Variants in RDH11 observed in about 807,000 individuals in gnomAD.
The protein encoded by RDH11 is retinol dehydrogenase 11.
Under a neutral mutation model 33.4 loss-of-function variants are expected in RDH11, and 19 were observed. The ratio of observed to expected loss-of-function variants is 0.57; its 90% CI spans 0.40 to 0.83. The LOEUF is 0.83. Among genes scored for constraint, RDH11 ranks in the 40% least tolerant of loss-of-function variants. The pLI is 0.00. For missense variants in RDH11, 353 were observed against 389.0 expected (o/e 0.91, Z 0.78); for synonymous variants, 154 against 155.3 (o/e 0.99, Z 0.06).
intron 3 of RDH11, chr14:67,691,995 T>A (rs2037756253): frequency 6.4e-6 from 1 of 155,968 alleles, no homozygotes; most frequent in African/African-American, 2.4e-5. Context: ...GGTAAACTTC[T>A]TTGTCATGTC....
chr14:67,689,926 C>T (rs916723300), intron 5 of RDH11, among the ~76,000 whole-genome samples: 12 of 151,160 alleles, frequency 7.9e-5, no homozygotes, highest in African/African-American at 2.9e-4. Flanking sequence ...GCATGGGTGA[C>T]AGAGCAAGAT....
chr14:67,692,233 C>T (rs558703817), intron 3 of RDH11: 15 of 561,324 alleles, frequency 2.7e-5, no homozygotes, highest in Middle Eastern at 4.8e-4. Flanking sequence ...ACTGCTATGA[C>T]GTTTTGAATT....
At chr14:67,690,530 T>C in intron 4 of RDH11, 109 bp from the exon 5 acceptor site, 1 of 871,272 alleles carries the variant, frequency 1.1e-6, no homozygotes, top group South Asian at 1.6e-5. Flanking sequence ...AATAAGGTCT[T>C]TCCCTCCAAC....
At position 67,686,579 on chromosome 14, in the gene RDH11, T is replaced by C. The variant is rs1396475899; in HGVS notation, c.665-1375A>G. On this transcript the variant is annotated intron_variant, in intron 5 of 6. Transcript: ENST00000381346. Reference sequence around the variant, plus strand: ...ACTTGAACCAGGGAGACAGAGGTTGTAGTGAGCCGATATCGTGCCACTGCA... The same window carrying C: ...ACTTGAACCAGGGAGACAGAGGTTGCAGTGAGCCGATATCGTGCCACTGCA... Among the ~76,000 whole-genome samples, 5 of 142,680 alleles carry C rather than the reference T, an allele frequency of 3.5e-5. No homozygotes were observed. The East Asian group carries it at 8.3e-4, about 24-fold the overall frequency. The allele number at this position is 142,680 out of a possible 152,430, so 93.6% of individuals were successfully genotyped here. A position where few individuals can be genotyped will look rare whatever the true frequency, so the allele number is the denominator to read the frequency against.
chr14:67,690,814 C>A (rs143269183), intron 4 of RDH11: 2 of 370,006 alleles, frequency 5.4e-6, no homozygotes, highest in Non-Finnish European at 9.8e-6. Context: ...AAGACCCTGT[C>A]TTTACAAAAA....
At chr14:67,679,466 C>A (rs556975857) in intron 6 of RDH11, among the ~76,000 whole-genome samples, 60 of 148,112 alleles carry the variant, frequency 4.1e-4, no homozygotes, top group African/African-American at 1.5e-3. Flanking sequence ...TGCAGTGATG[C>A]GATCTCAGCT....
At chr14:67,693,546 C>T (rs369772913) in intron 1 of RDH11, among the ~76,000 whole-genome samples, 2 of 151,048 alleles carry the variant, frequency 1.3e-5, no homozygotes, top group African/African-American at 2.4e-5. Flanking sequence ...CACGCATGCA[C>T]ATACACACTT....
At chr14:67,691,090 A>G (rs1211312969) in intron 4 of RDH11, 50 bp downstream of exon 4, 3 of 1,266,932 alleles carry the variant, frequency 2.4e-6, no homozygotes, top group Non-Finnish European at 3.5e-6. Context: ...TAAGTTTCCC[A>G]AAGAGAATTT....
At chr14:67,691,679 C>T (rs2037752587) in intron 3 of RDH11, 1 of 162,856 alleles carries the variant, frequency 6.1e-6, no homozygotes, top group Non-Finnish European at 1.3e-5. Context: ...AATTCTCTCT[C>T]ATGGTTCATT....
intron 6 of RDH11, among the ~76,000 whole-genome samples, chr14:67,681,932 T>C (rs1197388506): frequency 1.3e-5 from 2 of 152,072 alleles, no homozygotes; most frequent in Non-Finnish European, 2.9e-5. Flanking sequence ...CATGAACAGA[T>C]TAATTAATAA....
chr14:67,694,795 G>A (rs544993786), intron 1 of RDH11, among the ~76,000 whole-genome samples: 1 of 152,150 alleles, frequency 6.6e-6, no homozygotes, highest in African/African-American at 2.4e-5. Context: ...AGAAATGACT[G>A]TGATCTGGCC....
chr14:67,684,906 C>G, intron 6 of RDH11, 109 bp downstream of exon 6: 1 of 824,732 alleles, frequency 1.2e-6, no homozygotes. Flanking sequence ...AGTTAAAAGA[C>G]AAAAGCTATA....
chr14:67,692,399 T>C, intron 3 of RDH11, 39 bp downstream of exon 3: 1 of 1,608,966 alleles, frequency 6.2e-7, no homozygotes, highest in Non-Finnish European at 8.5e-7. Flanking sequence ...CATGTTGACC[T>C]CAAGACCCAC....
intron 1 of RDH11, among the ~76,000 whole-genome samples, chr14:67,695,073 A>C (rs1223981145): frequency 6.6e-6 from 1 of 152,148 alleles, no homozygotes; most frequent in Non-Finnish European, 1.5e-5. Context: ...TCCTGCTCGC[A>C]AGGCAGGATA....
At chr14:67,683,325 C>T (rs2037637375) in intron 6 of RDH11, among the ~76,000 whole-genome samples, 1 of 151,840 alleles carries the variant, frequency 6.6e-6, no homozygotes, top group South Asian at 2.1e-4. Context: ...AGAATCCAGT[C>T]ACTCTTGGAA....
chr14:67,694,489 C>CAT (rs758852140), intron 1 of RDH11, among the ~76,000 whole-genome samples: 5,360 of 144,150 alleles, frequency 0.037, 173 homozygotes, highest in African/African-American at 0.08. Context: ...CACACACACA[C>CAT]ATATATATAT....
chr14:67,694,507 C>T (rs201545168), intron 1 of RDH11, among the ~76,000 whole-genome samples: 16 of 128,676 alleles, frequency 1.2e-4, no homozygotes, highest in African/African-American at 3.1e-4. Flanking sequence ...TATATATATA[C>T]ACACATATAT....
intron 1 of RDH11, among the ~76,000 whole-genome samples, chr14:67,694,478 A>ATT (rs2037800858): frequency 2.1e-5 from 1 of 47,778 alleles, no homozygotes. Context: ...ATATATATAT[A>ATT]CACACACACA....
At chr14:67,687,567 G>A (rs1385316256) in intron 5 of RDH11, among the ~76,000 whole-genome samples, 1 of 148,734 alleles carries the variant, frequency 6.7e-6, no homozygotes, top group Non-Finnish European at 1.5e-5. Context: ...TGCCTCCCAG[G>A]TTCAAGCAAT....
Sources: allele counts gnomAD v4.1 joint callset (sites outside exome capture counted in the v4.1 genomes callset), GRCh38; gene constraint gnomAD v4.1.1; transcripts MANE v1.5; gene names NCBI Gene and HGNC (gene_info 2026-07-23, HGNC 2026-07-21).